Variants in PCDHGA2 observed in about 807,000 individuals in gnomAD.
The protein encoded by PCDHGA2 is protocadherin gamma-A2.
A neutral mutation model predicts 59.2 loss-of-function variants in PCDHGA2; 40 were observed. The observed-to-expected ratio is 0.68, with a 90% CI of 0.52 to 0.88. PCDHGA2 has a LOEUF of 0.88. PCDHGA2 is among the 40% of genes least tolerant of loss of function. PCDHGA2 has a pLI of 0.00. For missense variants in PCDHGA2, 1,226 were observed against 1,204.0 expected (o/e 1.02, Z -0.27); for synonymous variants, 560 against 526.0 (o/e 1.06, Z -0.89).
rs767291767 is a variant in PCDHGA2, at chr5:141,487,668, T to C, written c.2425-7139T>C. ...CTTGAGGGTTATTCTGATCCAGGCA[T>C]ATGGCTAGGCCATGTCCTAGAGAGT... is the stretch of plus-strand genomic sequence containing the variant. On this transcript the variant is annotated intron_variant, in intron 1 of 3. Transcript: ENST00000394576. The surrounding 1 kb of genome is among the most constrained non-coding windows in gnomAD (Gnocchi z 5.0). 1.9e-6 allele frequency: 3 copies of C among 1,612,658 alleles called. No homozygotes were observed. Among genetic ancestry groups the C allele is most frequent in the South Asian group, 1.1e-5 (1 of 90,650 alleles).
At chr5:141,383,542 T>G (rs1779235852) in intron 1 of PCDHGA2, 1 of 1,612,562 alleles carries the variant, frequency 6.2e-7, no homozygotes, top group Non-Finnish European at 8.5e-7. Flanking sequence ...CCTCACAGCC[T>G]CTGATGGCGG....
chr5:141,478,652 G>A (rs188883724), intron 1 of PCDHGA2: 2 of 1,551,970 alleles, frequency 1.3e-6, no homozygotes, highest in East Asian at 2.4e-5. Flanking sequence ...TGTTTTCCTG[G>A]TGATGCATTC....
chr5:141,346,776 T>A (rs1165398439), intron 1 of PCDHGA2, among the ~76,000 whole-genome samples: 1 of 152,242 alleles, frequency 6.6e-6, no homozygotes, highest in Non-Finnish European at 1.5e-5. Context: ...ACCTGGGTCC[T>A]TGAGTAACTA....
chr5:141,370,773 AACG>A, intron 1 of PCDHGA2: 2 of 1,614,002 alleles, frequency 1.2e-6, no homozygotes, highest in Non-Finnish European at 1.7e-6. Flanking sequence ...CCAGGATATT[AACG>A]ACAACCCACC....
chr5:141,367,702 CTTAAGG>C (rs1765297530), intron 1 of PCDHGA2: 1 of 151,984 alleles, frequency 6.6e-6, no homozygotes, highest in Admixed American at 6.6e-5. Flanking sequence ...GTAAAGGAAC[CTTAAGG>C]TTGGGCTTCG....
intron 1 of PCDHGA2, chr5:141,341,673 A>C: frequency 1.6e-6 from 1 of 607,984 alleles, no homozygotes; most frequent in Non-Finnish European, 2.7e-6. Context: ...CTGGTTTCTT[A>C]TACTTTCTTC....
intron 1 of PCDHGA2, chr5:141,341,693 G>A (rs1379230860): frequency 3.7e-6 from 2 of 546,874 alleles, no homozygotes; most frequent in Admixed American, 7.3e-5. Context: ...CTCCATCCCT[G>A]GGCAAATCAT....
In PCDHGA2 at chr5:141,340,583, G is replaced by C. The variant is rs749787210; in HGVS notation, c.1612G>C (p.Gly538Arg). ...AGTGTGGGTGATAGCGCGGGACAGC[G>C]GGAACCCTCCACTCAGTAGCAATGT... ...LQVWVIARDS[G>R]NPPLSSNVSL... The change falls in exon 1 of 4, where the codon GGG becomes CGG. Residue 538 changes from glycine to arginine, a missense_variant. Coordinates refer to ENST00000394576, the MANE Select transcript of PCDHGA2 (RefSeq NM_018915.4). 1 of 1,614,102 alleles carries C rather than the reference G, an allele frequency of 6.2e-7. No homozygotes were observed. The highest frequency in any genetic ancestry group is 8.5e-7 in the Non-Finnish European group (1 of 1,180,050).
At chr5:141,381,826 C>CTTTTTTTTT (rs770630741) in intron 1 of PCDHGA2, among the ~76,000 whole-genome samples, 22 of 74,282 alleles carry the variant, frequency 3.0e-4, no homozygotes, top group African/African-American at 5.6e-4. Context: ...CTTTCTTCTT[C>CTTTTTTTTT]TTTTTTTTTT....
chr5:141,423,004 G>T lies in PCDHGA2; in HGVS notation c.2425-71803G>T, dbSNP rs1206727312. 2 of 1,614,116 alleles carry T rather than the reference G, an allele frequency of 1.2e-6. No individual in the cohort carries two copies. Among genetic ancestry groups the T allele is most frequent in the African/African-American group, 1.3e-5 (1 of 74,958 alleles). ...ACCTGGCTACCTGGTGACCAAGGTG[G>T]TTGCGGTGGACAAAGATTCAGGCCA... On this transcript the variant is annotated intron_variant, in intron 1 of 3. Transcript: ENST00000394576.
At chr5:141,364,321 A>G (rs762290044) in intron 1 of PCDHGA2, 21 of 1,526,304 alleles carry the variant, frequency 1.4e-5, no homozygotes, top group Middle Eastern at 1.8e-4. Flanking sequence ...AATTGGGCAG[A>G]GAGAAGGCAA....
rs373516334 is a variant in PCDHGA2 at position 141,414,175 on chromosome 5, A to G, written c.2424+72780A>G. On this transcript the variant is annotated intron_variant, in intron 1 of 3. Transcript: ENST00000394576. ...AGAAGATGGAGGAGCATATCTTGCA[A>G]CTGCAAAAGTGTTGATTACAGTAGA... 1.6e-5 allele frequency: 25 copies of G among 1,607,698 alleles called. No homozygotes were observed. The highest frequency in any genetic ancestry group is 1.3e-4 in the South Asian group (12 of 90,242).
At chr5:141,354,393 G>T (rs1218363401) in intron 1 of PCDHGA2, among the ~76,000 whole-genome samples, 1 of 152,184 alleles carries the variant, frequency 6.6e-6, no homozygotes, top group African/African-American at 2.4e-5. Flanking sequence ...TTGTGGCCAA[G>T]AATCTACTGT....
chr5:141,355,262 G>A lies in PCDHGA2; in HGVS notation c.2424+13867G>A, dbSNP rs374875511. ...CTGCTCCAGATCTGCCTTCTCCTGG[G>A]GGTTCTGGTGGAAATCAGGGCCGAA... On this transcript the variant is annotated intron_variant, in intron 1 of 3. Transcript: ENST00000394576. The A allele has an allele frequency of 3.7e-6, 6 of 1,613,470 alleles. No homozygotes were observed. The highest frequency in any genetic ancestry group is 5.1e-6 in the Non-Finnish European group (6 of 1,179,900).
chr5:141,352,394 C>A (rs370902348), intron 1 of PCDHGA2: 1 of 1,613,932 alleles, frequency 6.2e-7, no homozygotes, highest in African/African-American at 1.3e-5. Context: ...CCTGCGCCTG[C>A]GACGTTCCTC....
rs770354956 is a variant in PCDHGA2, at chr5:141,399,731, C to T, written c.2424+58336C>T. Reference sequence around the variant, plus strand: ...ACACTACAGGCCCGCGACCAGGGCTCGCCTGCGCTCAGCGCAAACGTGAGC... The same window carrying T: ...ACACTACAGGCCCGCGACCAGGGCTTGCCTGCGCTCAGCGCAAACGTGAGC... On this transcript the variant is annotated intron_variant, in intron 1 of 3. Transcript: ENST00000394576. 229 of 1,613,292 alleles carry T rather than the reference C, an allele frequency of 1.4e-4. No homozygotes were observed. The highest frequency in any genetic ancestry group is 1.8e-4 in the Non-Finnish European group (217 of 1,179,878).
intron 1 of PCDHGA2, chr5:141,346,453 T>A: frequency 2.5e-6 from 4 of 1,614,204 alleles, no homozygotes; most frequent in Non-Finnish European, 3.4e-6. Context: ...TCCAACCTAC[T>A]TCAGGTGAGT....
intron 1 of PCDHGA2, among the ~76,000 whole-genome samples, chr5:141,470,417 T>A (rs1482173610): frequency 6.6e-6 from 1 of 152,226 alleles, no homozygotes; most frequent in East Asian, 1.9e-4. Context: ...ATTTTATGTA[T>A]TTTTTCCTTG....
At chr5:141,361,801 A>C (rs1312731980) in intron 1 of PCDHGA2, 1 of 1,613,040 alleles carries the variant, frequency 6.2e-7, no homozygotes, top group Non-Finnish European at 8.5e-7. Flanking sequence ...GGGCGACCTC[A>C]ATGACAATGC....
Sources: gnomAD v4.1 joint callset for allele counts (sites outside exome capture counted in the v4.1 genomes callset) on GRCh38, gnomAD v4.1.1 for gene constraint, Gnocchi (gnomAD v3.1) non-coding constraint, MANE v1.5 for transcripts, NCBI Gene and HGNC (gene_info 2026-07-23, HGNC 2026-07-21) for gene names.